SH3TC2: variants seen among roughly 807,000 people sequenced by gnomAD.
SH3TC2 encodes the protein SH3 domain and tetratricopeptide repeats 2, also known as SH3 domain and tetratricopeptide repeat-containing protein 2.
In SH3TC2, 87 loss-of-function variants were observed where a neutral mutation model predicts 124.5. The observed-to-expected ratio is 0.70, with a 90% CI of 0.59 to 0.84. SH3TC2 has a LOEUF of 0.84. Ranked by LOEUF, SH3TC2 falls within the 40% of genes least tolerant of loss-of-function variation. The pLI, the probability that SH3TC2 is intolerant of heterozygous loss-of-function variation, is 0.00. For synonymous variants in SH3TC2, 634 were observed against 628.5 expected, an observed-to-expected ratio of 1.01 and a Z score of -0.13; for missense variants, 1,536 against 1,566.4, an observed-to-expected ratio of 0.98 and a Z score of 0.33.
At chr5:149,023,191 G>C (rs1427063249) in intron 12 of SH3TC2, among the ~76,000 whole-genome samples, 2 of 152,178 alleles carry the variant, frequency 1.3e-5, no homozygotes, top group Non-Finnish European at 2.9e-5. Context: ...CTGTTTGTGG[G>C]TATTTGGATT....
At position 149,008,965 on chromosome 5, in the gene SH3TC2, C is replaced by T. The variant is rs1554120326; in HGVS notation, c.3364G>A (p.Val1122Met). 1.9e-6 allele frequency: 3 copies of T among 1,614,222 alleles called. No individual in the cohort carries two copies. Among genetic ancestry groups the T allele is most frequent in the Non-Finnish European group, 2.5e-6 (3 of 1,180,040 alleles). Residue 1122 changes from valine (V) to methionine (M), a missense_variant, in exon 15 of 17, where the codon GTG (valine) becomes ATG (methionine). Physicochemically the swap from Val to Met is conservative, Grantham distance 21. This residue lies in a region of SH3TC2 where 426 missense variants were observed against 443.5 expected (regional missense o/e 0.96). Transcript: ENST00000515425. ...AVPLARRLKA[V>M]RTELRIFNKL... The stretch of plus-strand genomic sequence containing the variant: ...TTGAAAATCCGGAGCTCAGTTCTCA[C>T]CGCCTTCAACCTCCTTGCTAAAGGA...
intron 8 of SH3TC2, chr5:149,034,386 C>T (rs751372184): frequency 9.2e-5 from 25 of 271,460 alleles, no homozygotes; most frequent in Non-Finnish European, 1.5e-4. Context: ...GTAAGTCCAA[C>T]GTACCTCTAA....
At position 148,996,813 on chromosome 5, in the gene SH3TC2, T is replaced by C. The variant is rs1196588420; in HGVS notation, c.*7898A>G. On this transcript the variant is annotated 3_prime_UTR_variant, in exon 17 of 17. Coordinates refer to ENST00000515425, the MANE Select transcript of SH3TC2 (RefSeq NM_024577.4). ...ATCAAGTAGCTGAGAGTCATACAGATCATGTTTAACTATGGTCCGCTAGAT... is the reference window on the plus strand; with the variant it reads ...ATCAAGTAGCTGAGAGTCATACAGACCATGTTTAACTATGGTCCGCTAGAT... 3.3e-5 allele frequency among the ~76,000 whole-genome samples: 5 copies of C among 152,194 alleles called. No individual in the cohort carries two copies. Among genetic ancestry groups the C allele is most frequent in the Admixed American group, 2.6e-4 (4 of 15,284 alleles).
Position 149,038,444 on chromosome 5 carries a change from C to G in SH3TC2, c.852G>C (p.Lys284Asn), listed in dbSNP as rs1171172528. The change falls in exon 8 of 17, where the codon AAG becomes AAC. Residue 284 changes from lysine to asparagine, a missense_variant. Physicochemically the swap from Lys to Asn is moderately conservative, Grantham distance 94. This residue lies in a region of SH3TC2 where 1,102 missense variants were observed against 1,098.6 expected (regional missense o/e 1.00). Transcript: ENST00000515425. ...CTCCCTGGTAGAAATTCAGTTCATC[C>G]TTTTCTCCTGGCTCATAACCCGTCA... ...KALTGYEPGE[K>N]DELNFYQGES... The G allele has an allele frequency of 5.6e-6, 9 of 1,614,042 alleles. No individual in the cohort carries two copies. The highest frequency in any genetic ancestry group is 3.3e-4 in the Middle Eastern group (2 of 6,084).
intron 7 of SH3TC2, among the ~76,000 whole-genome samples, chr5:149,039,116 A>C (rs1461313567): frequency 6.6e-6 from 1 of 152,256 alleles, no homozygotes; most frequent in Non-Finnish European, 1.5e-5. Context: ...AAAGCTGCTA[A>C]TGACTTAGAA....
At chr5:149,062,501 A>C (rs1400330294) in intron 1 of SH3TC2, 1 of 457,280 alleles carries the variant, frequency 2.2e-6, no homozygotes, top group African/African-American at 2.0e-5. Flanking sequence ...CTCACACACA[A>C]ATCACTCTGT....
chr5:149,014,384 A>G (rs1549906), intron 12 of SH3TC2, among the ~76,000 whole-genome samples: 79,042 of 152,034 alleles, frequency 0.52, 21,898 homozygotes, highest in African/African-American at 0.72. Context: ...AATCACATCT[A>G]TGGACACTTA....
chr5:149,041,588 C>T lies in SH3TC2; in HGVS notation c.559G>A (p.Val187Met), dbSNP rs745613768. 1.6e-5 allele frequency: 26 copies of T among 1,614,042 alleles called. No individual in the cohort carries two copies. The highest frequency in any genetic ancestry group is 1.6e-4 in the Middle Eastern group (1 of 6,084). ...GHFFCRALCSVTPPAEKEGEC... is the reference protein window; with the variant it reads ...GHFFCRALCSMTPPAEKEGEC... ...CCTTCCTTCTCGGCTGGTGGAGTCA[C>T]GGAGCACAGGGCTCTGCAGAAGAAG... Residue 187 changes from valine to methionine, a missense_variant, in exon 6 of 17, where the codon GTG (valine) becomes ATG (methionine). Val to Met is a conservative substitution (Grantham distance 21). Transcript: ENST00000515425.
chr5:149,016,782 G>A (rs922195392), intron 12 of SH3TC2, among the ~76,000 whole-genome samples: 6 of 151,956 alleles, frequency 3.9e-5, no homozygotes, highest in South Asian at 4.2e-4. Context: ...AAAATTAGCC[G>A]GGCGTGGTGG....
At chr5:149,059,778 A>G (rs921581452) in intron 1 of SH3TC2, among the ~76,000 whole-genome samples, 23 of 152,224 alleles carry the variant, frequency 1.5e-4, no homozygotes, top group African/African-American at 5.5e-4. Flanking sequence ...CATGAAAGTT[A>G]TTAACTACAT....
At chr5:149,015,426 G>A (rs1035342866) in intron 12 of SH3TC2, among the ~76,000 whole-genome samples, 7 of 152,136 alleles carry the variant, frequency 4.6e-5, no homozygotes, top group East Asian at 1.9e-4. Context: ...TCCTCCAGCC[G>A]CCACCCACAG....
intron 1 of SH3TC2, among the ~76,000 whole-genome samples, chr5:149,056,134 C>T (rs1269934628): frequency 5.9e-5 from 9 of 151,342 alleles, no homozygotes; most frequent in Non-Finnish European, 1.0e-4. Context: ...TTTTAGGTTT[C>T]GGGGTACATG....
At chr5:149,037,187 C>A (rs190661002) in intron 8 of SH3TC2, among the ~76,000 whole-genome samples, 2 of 152,298 alleles carry the variant, frequency 1.3e-5, no homozygotes, top group African/African-American at 4.8e-5. Context: ...CAAGCACTGA[C>A]TCACTTTCCT....
chr5:149,050,428 C>T lies in SH3TC2; in HGVS notation c.151+1714G>A, dbSNP rs972671808. 2.0e-4 allele frequency among the ~76,000 whole-genome samples: 31 copies of T among 152,216 alleles called. 1 individual carries two copies. The highest frequency in any genetic ancestry group is 7.0e-4 in the African/African-American group (29 of 41,466). On this transcript the variant is annotated intron_variant, in intron 2 of 16. Coordinates refer to ENST00000515425, the MANE Select transcript of SH3TC2 (RefSeq NM_024577.4). ...TCTCACTCCATGACCTTCCTGGAAA[C>T]AGCATCAGGGTGGAAAATGCTGAAA...
At position 149,002,545 on chromosome 5, in the gene SH3TC2, C is replaced by A. The variant is rs1036314522; in HGVS notation, c.*2166G>T. Reference sequence around the variant, plus strand: ...AAATGTGTGCCAATTAGTAGACAACCTTGATGACTAGAAGATGCAATGGCG... The same window carrying A: ...AAATGTGTGCCAATTAGTAGACAACATTGATGACTAGAAGATGCAATGGCG... On this transcript the variant is annotated 3_prime_UTR_variant, in exon 17 of 17. Transcript: ENST00000515425. 1 of 152,218 alleles carries A rather than the reference C, an allele frequency of 6.6e-6. No individual in the cohort carries two copies. Among genetic ancestry groups the A allele is most frequent in the African/African-American group, 2.4e-5 (1 of 41,448 alleles). 9.4% of individuals were successfully genotyped at this position (152,218 alleles called of 1,614,324 possible). A position where few individuals can be genotyped will look rare whatever the true frequency, so the allele number is the denominator to read the frequency against.
At chr5:149,005,644 A>C (rs1753675372) in intron 16 of SH3TC2, among the ~76,000 whole-genome samples, 1 of 152,142 alleles carries the variant, frequency 6.6e-6, no homozygotes, top group African/African-American at 2.4e-5. Context: ...GGCCCTCCCT[A>C]CATGGTAAAG....
At chr5:149,047,415 T>C in intron 3 of SH3TC2, 1 of 196,138 alleles carries the variant, frequency 5.1e-6, no homozygotes, top group Non-Finnish European at 1.1e-5. Context: ...GGTGGATAGG[T>C]TGTGAATGTA....
chr5:149,045,587 A>C (rs555955605), intron 3 of SH3TC2: 1 of 152,208 alleles, frequency 6.6e-6, no homozygotes, highest in East Asian at 1.9e-4. Flanking sequence ...TCCAATTTAC[A>C]TGCTCACAAG....
intron 3 of SH3TC2, chr5:149,047,438 G>A (rs1239395074): frequency 1.2e-5 from 3 of 240,374 alleles, no homozygotes; most frequent in South Asian, 1.1e-4. Flanking sequence ...TAGTGTCATA[G>A]AGAATCATAC....
Sources: gnomAD v4.1 joint callset for allele counts (sites outside exome capture counted in the v4.1 genomes callset) on GRCh38, gnomAD v4.1.1 for gene constraint, gnomAD v4.1.1 regional missense constraint, MANE v1.5 for transcripts, NCBI Gene and HGNC (gene_info 2026-07-23, HGNC 2026-07-21) for gene names.